The following CDH2 variants were observed in gnomAD, a reference collection of about 807,000 sequenced individuals.
CDH2 encodes cadherin 2.
Under a neutral mutation model 92.0 loss-of-function variants are expected in CDH2, and 17 were observed. The ratio of observed to expected loss-of-function variants is 0.18; its 90% CI spans 0.13 to 0.28. The LOEUF is 0.28. Among genes scored for constraint, CDH2 ranks in the 10% least tolerant of loss-of-function variants. CDH2 has a pLI of 1.00. For synonymous variants in CDH2, 419 were observed against 415.9 expected (o/e 1.01, Z -0.09); for missense variants, 862 against 1,133.1 (o/e 0.76, Z 3.44).
At chr18:28,029,805 C>T (rs1012486062) in intron 2 of CDH2, among the ~76,000 whole-genome samples, 6 of 152,040 alleles carry the variant, frequency 3.9e-5, no homozygotes, top group African/African-American at 9.7e-5. Context: ...AGACCCCTCC[C>T]AAATGCTGCT....
intron 1 of CDH2, among the ~76,000 whole-genome samples, chr18:28,168,856 C>T (rs1228149581): frequency 6.6e-6 from 1 of 152,012 alleles, no homozygotes; most frequent in Non-Finnish European, 1.5e-5. Flanking sequence ...TGAAACTCTT[C>T]TTTATTGTGA....
At chr18:28,159,658 GT>G (rs775758310) in intron 1 of CDH2, among the ~76,000 whole-genome samples, 1,404 of 134,838 alleles carry the variant, frequency 0.01, 6 homozygotes, top group African/African-American at 0.021. Flanking sequence ...CAATTTTTTT[GT>G]TTTTTTTTTT....
intron 6 of CDH2, among the ~76,000 whole-genome samples, chr18:27,945,306 A>C (rs1299983325): frequency 7.3e-6 from 1 of 136,092 alleles, no homozygotes; most frequent in Non-Finnish European, 1.5e-5. Context: ...ATCAACTGAT[A>C]CTTTCCAGGA....
In CDH2 at chr18:27,976,247, G is replaced by A. The variant is rs1311124324; in HGVS notation, c.2349+6697C>T. Among the ~76,000 whole-genome samples the A allele has an allele frequency of 2.0e-5, 3 of 152,114 alleles. No homozygotes were observed. In the East Asian group the frequency reaches 5.8e-4, roughly 29 times the overall value. On this transcript the variant is annotated intron_variant, in intron 14 of 15. Coordinates refer to ENST00000269141, the MANE Select transcript of CDH2 (RefSeq NM_001792.5). The stretch of plus-strand genomic sequence containing the variant: ...CCTTTATCACCTTGAGGCTGGCATT[G>A]CTCCTTGAACCAGAACTCATGGTCT...
intron 4 of CDH2, among the ~76,000 whole-genome samples, chr18:28,010,885 C>T (rs932756571): frequency 6.7e-6 from 1 of 149,896 alleles, no homozygotes; most frequent in Non-Finnish European, 1.5e-5. Flanking sequence ...CTCCTGACCT[C>T]GTGATCTGCC....
chr18:27,962,357 TAG>T (rs1173751784), intron 15 of CDH2, among the ~76,000 whole-genome samples: 1 of 152,230 alleles, frequency 6.6e-6, no homozygotes, highest in Non-Finnish European at 1.5e-5. Flanking sequence ...TGGATAGTTA[TAG>T]AGACAGGCAA....
At chr18:27,947,371 T>C (rs1909293803), downstream of CDH2, among the ~76,000 whole-genome samples, 1 of 151,776 alleles carries the variant, frequency 6.6e-6, no homozygotes, top group Non-Finnish European at 1.5e-5. Flanking sequence ...ATGTGAAAAG[T>C]GAGAATATTA....
chr18:27,995,145 T>C (rs1162702653), intron 7 of CDH2, among the ~76,000 whole-genome samples: 1 of 151,818 alleles, frequency 6.6e-6, no homozygotes, highest in Admixed American at 6.6e-5. Context: ...ACCCCGTCTC[T>C]ATTAAAAATA....
chr18:27,992,885 T>C lies in CDH2; in HGVS notation c.1159-45A>G, dbSNP rs11564320. The C allele has an allele frequency of 1.6e-3, 2,394 of 1,477,378 alleles. 36 individuals are homozygous for C. In the African/African-American group the frequency reaches 0.03, roughly 18 times the overall value. 91.5% of individuals were successfully genotyped at this position (1,477,378 alleles called of 1,614,324 possible). A position where few individuals can be genotyped will look rare whatever the true frequency, so the allele number is the denominator to read the frequency against. On this transcript the variant is annotated intron_variant, in intron 8 of 15. Transcript: ENST00000269141. ...CAGTCAGAGGAGGGGCATGGACCAC[T>C]GAAGGACAACTTGTCTTGATGACCA...
chr18:28,057,982 A>G (rs1433001737), intron 2 of CDH2, among the ~76,000 whole-genome samples: 1 of 152,098 alleles, frequency 6.6e-6, no homozygotes, highest in African/African-American at 2.4e-5. Flanking sequence ...GTGGTTTGTG[A>G]CCCCTGTTTG....
chr18:28,176,778 T>G (rs2016549575), intron 1 of CDH2, among the ~76,000 whole-genome samples, 185 bp downstream of exon 1: 1 of 151,192 alleles, frequency 6.6e-6, no homozygotes, highest in African/African-American at 2.4e-5. Flanking sequence ...CCGGCAACCC[T>G]GCCCCGGCGC....
intron 2 of CDH2, among the ~76,000 whole-genome samples, chr18:28,076,502 T>C (rs779842413): frequency 2.0e-5 from 3 of 152,176 alleles, no homozygotes; most frequent in Admixed American, 6.6e-5. Flanking sequence ...CATATGATAA[T>C]TGCTCAATAA....
At chr18:27,941,470 T>A (rs906336192) in intron 6 of CDH2, among the ~76,000 whole-genome samples, 1 of 152,216 alleles carries the variant, frequency 6.6e-6, no homozygotes, top group African/African-American at 2.4e-5. Context: ...ATTCTTCAGT[T>A]GTGCTAAATG....
At chr18:28,101,931 T>C (rs1599101599) in intron 2 of CDH2, among the ~76,000 whole-genome samples, 1 of 152,254 alleles carries the variant, frequency 6.6e-6, no homozygotes, top group South Asian at 2.1e-4. Context: ...AGTTTTTCTC[T>C]GCCCTCTCCA....
chr18:28,069,669 C>A (rs2014578350), intron 2 of CDH2, among the ~76,000 whole-genome samples: 1 of 152,098 alleles, frequency 6.6e-6, no homozygotes. Flanking sequence ...TTGTTTGATA[C>A]CTGTGTTATA....
chr18:27,989,973 T>C lies in CDH2; in HGVS notation c.1598+124A>G, dbSNP rs150843315. ...AGAAGAAAATTCAAAGAATTTTAAA[T>C]TATCTTTTAATAAGTAGTTTTGATT... is the stretch of plus-strand genomic sequence containing the variant. On this transcript the variant is annotated intron_variant, in intron 10 of 15. Coordinates refer to ENST00000269141, the MANE Select transcript of CDH2 (RefSeq NM_001792.5). 367 of 781,038 alleles carry C rather than the reference T, an allele frequency of 4.7e-4. 2 individuals carry two copies. In the African/African-American group the frequency reaches 6.0e-3, roughly 13 times the overall value. The allele number at this position is 781,038 out of a possible 1,614,324, so 48.4% of individuals were successfully genotyped here.
chr18:28,135,473 T>C (rs973532571), intron 2 of CDH2, among the ~76,000 whole-genome samples: 4 of 152,214 alleles, frequency 2.6e-5, no homozygotes, highest in African/African-American at 9.6e-5. Flanking sequence ...ACCAATATGA[T>C]TGAGAATTCA....
At chr18:28,029,320 T>C (rs1378857161) in intron 2 of CDH2, among the ~76,000 whole-genome samples, 1 of 152,170 alleles carries the variant, frequency 6.6e-6, no homozygotes, top group African/African-American at 2.4e-5. Context: ...TAATTTTATA[T>C]ACATGTAAAA....
intron 1 of CDH2, among the ~76,000 whole-genome samples, chr18:28,170,286 A>G (rs1397372895): frequency 6.6e-6 from 1 of 152,150 alleles, no homozygotes; most frequent in Non-Finnish European, 1.5e-5. Flanking sequence ...GTCTGTGTCA[A>G]ATTAATCCTC....
Sources: allele counts gnomAD v4.1 joint callset (sites outside exome capture counted in the v4.1 genomes callset), GRCh38; gene constraint gnomAD v4.1.1; transcripts MANE v1.5; gene names NCBI Gene and HGNC (gene_info 2026-07-23, HGNC 2026-07-21).